MLLT3: variants seen among roughly 807,000 people sequenced by gnomAD.
MLLT3 encodes MLLT3 super elongation complex subunit.
Under a neutral mutation model 53.2 loss-of-function variants are expected in MLLT3, and 4 were observed. That is an observed-to-expected ratio of 0.08 (90% CI 0.04 to 0.17). MLLT3 has a LOEUF of 0.17. MLLT3 is among the 10% of genes least tolerant of loss of function. MLLT3 has a pLI of 1.00. For missense variants in MLLT3, 569 were observed against 684.0 expected (o/e 0.83, Z 1.87); for synonymous variants, 283 against 230.6 (o/e 1.23, Z -2.06).
chr9:20,390,642 G>A (rs183336155), intron 5 of MLLT3, among the ~76,000 whole-genome samples: 1 of 152,236 alleles, frequency 6.6e-6, no homozygotes, highest in East Asian at 1.9e-4. Context: ...CATATACCAA[G>A]AACTCTGGCA....
intron 2 of MLLT3, among the ~76,000 whole-genome samples, chr9:20,537,102 T>C (rs1354903695): frequency 1.3e-5 from 2 of 152,244 alleles, no homozygotes; most frequent in Admixed American, 1.3e-4. Context: ...AGGCCATATA[T>C]GAGCTGTTTC....
chr9:20,557,010 C>T (rs568362674), intron 2 of MLLT3, among the ~76,000 whole-genome samples: 1 of 152,152 alleles, frequency 6.6e-6, no homozygotes, highest in Non-Finnish European at 1.5e-5. Context: ...TCAATGACTA[C>T]GATTCAGAAG....
chr9:20,566,084 A>T (rs1819370739), intron 2 of MLLT3, among the ~76,000 whole-genome samples: 1 of 140,804 alleles, frequency 7.1e-6, no homozygotes, highest in Non-Finnish European at 1.5e-5. Flanking sequence ...ATATATATAT[A>T]AATATATATA....
intron 2 of MLLT3, among the ~76,000 whole-genome samples, chr9:20,593,176 A>G (rs1411532407): frequency 6.6e-6 from 1 of 152,208 alleles, no homozygotes; most frequent in East Asian, 1.9e-4. Context: ...GGGCTTCAAT[A>G]TTGTAAATTT....
intron 2 of MLLT3, among the ~76,000 whole-genome samples, chr9:20,617,649 T>C (rs1034171088): frequency 2.6e-5 from 4 of 152,192 alleles, no homozygotes; most frequent in African/African-American, 7.2e-5. Flanking sequence ...AAATAAGATA[T>C]TGTCTTTTTT....
At chr9:20,496,340 G>C (rs1285782795) in intron 2 of MLLT3, among the ~76,000 whole-genome samples, 1 of 152,136 alleles carries the variant, frequency 6.6e-6, no homozygotes, top group Non-Finnish European at 1.5e-5. Flanking sequence ...CACCTTCCAT[G>C]TAACAGGGGA....
chr9:20,513,959 G>A (rs1371768684), intron 2 of MLLT3, among the ~76,000 whole-genome samples: 1 of 152,238 alleles, frequency 6.6e-6, no homozygotes. Flanking sequence ...GGAGAAAGTG[G>A]ATTTGGTGGT....
chr9:20,566,537 C>A (rs1819382475), intron 2 of MLLT3, among the ~76,000 whole-genome samples: 1 of 152,134 alleles, frequency 6.6e-6, no homozygotes, highest in African/African-American at 2.4e-5. Flanking sequence ...AACACGTATA[C>A]ATGCTTATCA....
intron 10 of MLLT3, among the ~76,000 whole-genome samples, chr9:20,352,382 A>T (rs139723170): frequency 2.8e-4 from 42 of 152,346 alleles, no homozygotes; most frequent in African/African-American, 8.7e-4. Flanking sequence ...GCCAGCCCCA[A>T]ATATTTGGAA....
intron 5 of MLLT3, among the ~76,000 whole-genome samples, chr9:20,392,652 C>T (rs1354996545): frequency 2.0e-5 from 3 of 152,144 alleles, no homozygotes; most frequent in Non-Finnish European, 4.4e-5. Context: ...TTAATGAATA[C>T]ATTATCCCTC....
At chr9:20,456,678 A>C in intron 3 of MLLT3, 26 bp downstream of exon 3, 1 of 1,521,240 alleles carries the variant, frequency 6.6e-7, no homozygotes, top group Non-Finnish European at 9.1e-7. Flanking sequence ...CGTCTACTGA[A>C]AGATTAATGG....
At position 20,343,854 on chromosome 9, in the gene MLLT3, T is replaced by C. The variant is rs963235705; in HGVS notation, c.*2589A>G. 33 of 208,548 alleles carry C rather than the reference T, an allele frequency of 1.6e-4. No individual in the cohort carries two copies. In the East Asian group the frequency reaches 2.4e-3, roughly 15 times the overall value. 12.9% of individuals were successfully genotyped at this position (208,548 alleles called of 1,614,324 possible). On this transcript the variant is annotated 3_prime_UTR_variant, in exon 11 of 11. Transcript: ENST00000380338. ...CTTCAAAGTTGGGTGTATATAAATG[T>C]GACAGAACTGAAGGGGTTACTTTAA...
At chr9:20,553,275 G>C (rs1818971103) in intron 2 of MLLT3, among the ~76,000 whole-genome samples, 1 of 152,222 alleles carries the variant, frequency 6.6e-6, no homozygotes, top group Non-Finnish European at 1.5e-5. Context: ...AGAGAGGGCA[G>C]ACATTCTGGT....
chr9:20,477,325 TA>T (rs1236616163), intron 2 of MLLT3, among the ~76,000 whole-genome samples: 4 of 152,180 alleles, frequency 2.6e-5, no homozygotes, highest in Non-Finnish European at 5.9e-5. Flanking sequence ...ACAAGTTGCT[TA>T]TGCCCTTTGT....
rs902073833 is a variant in MLLT3 at position 20,621,613 on chromosome 9, C to A, written c.12+632G>T. ...GGCTCCAAAGTATCTCCCACCTCCC[C>A]CCAAAAAATGAAATTCAGAAAGGCA... On this transcript the variant is annotated intron_variant, in intron 1 of 10. Coordinates refer to ENST00000380338, the MANE Select transcript of MLLT3 (RefSeq NM_004529.4). The surrounding 1 kb of genome is among the most constrained non-coding windows in gnomAD (Gnocchi z 7.0). 2.6e-5 allele frequency among the ~76,000 whole-genome samples: 4 copies of A among 152,160 alleles called. No individual in the cohort carries two copies. Among genetic ancestry groups the A allele is most frequent in the African/African-American group, 4.8e-5 (2 of 41,446 alleles).
At chr9:20,401,663 G>GA (rs1409194006) in intron 5 of MLLT3, among the ~76,000 whole-genome samples, 1 of 152,114 alleles carries the variant, frequency 6.6e-6, no homozygotes. Context: ...ACCTACCAGT[G>GA]AGTCAGCTTC....
intron 2 of MLLT3, among the ~76,000 whole-genome samples, chr9:20,470,580 A>G (rs935003794): frequency 7.2e-5 from 11 of 152,050 alleles, no homozygotes; most frequent in African/African-American, 2.4e-4. Flanking sequence ...AAGAAACTGA[A>G]TAAGCTTTAC....
intron 5 of MLLT3, among the ~76,000 whole-genome samples, chr9:20,368,307 C>T (rs1821507883): frequency 6.6e-6 from 1 of 152,144 alleles, no homozygotes; most frequent in Admixed American, 6.5e-5. Flanking sequence ...TTGCAGAGTA[C>T]TCCTCTTCCT....
chr9:20,381,168 A>T (rs1821899589), intron 5 of MLLT3, among the ~76,000 whole-genome samples: 1 of 152,006 alleles, frequency 6.6e-6, no homozygotes. Flanking sequence ...AAACCTTTAG[A>T]TATTTCCACA....
Sources: gnomAD v4.1 joint callset for allele counts (sites outside exome capture counted in the v4.1 genomes callset) on GRCh38, gnomAD v4.1.1 for gene constraint, Gnocchi (gnomAD v3.1) non-coding constraint, MANE v1.5 for transcripts, NCBI Gene and HGNC (gene_info 2026-07-23, HGNC 2026-07-21) for gene names.